ARB2A: variants seen among roughly 807,000 people sequenced by gnomAD.
ARB2A encodes the protein ARB2 cotranscriptional regulator A, also known as cotranscriptional regulator ARB2A.
chr5:94,050,416 A>T, the ARB2A span, among the ~76,000 whole-genome samples: 1 of 151,810 alleles, frequency 6.6e-6, no homozygotes, highest in South Asian at 2.1e-4. Flanking sequence ...AACCACACCC[A>T]GCTACTTTTT....
chr5:93,988,504 GC>G, the ARB2A span, among the ~76,000 whole-genome samples: 3 of 151,984 alleles, frequency 2.0e-5, no homozygotes, highest in Admixed American at 6.6e-5. Context: ...CATCTCCCTT[GC>G]CTGGCCCCCA....
the ARB2A span, among the ~76,000 whole-genome samples, chr5:93,769,210 T>A: frequency 6.6e-6 from 1 of 152,162 alleles, no homozygotes; most frequent in South Asian, 2.1e-4. Flanking sequence ...ACTGTGAAAC[T>A]TTTAGTCAAA....
chr5:93,692,710 T>G, the ARB2A span, among the ~76,000 whole-genome samples: 8 of 152,172 alleles, frequency 5.3e-5, no homozygotes, highest in Admixed American at 5.2e-4. Context: ...AATAGACATC[T>G]ACAGAAAGAA....
the ARB2A span, among the ~76,000 whole-genome samples, chr5:93,938,289 C>A: frequency 2.6e-5 from 4 of 151,934 alleles, no homozygotes; most frequent in East Asian, 7.7e-4. Context: ...GAACTAATTC[C>A]TTTAATTTAA....
the ARB2A span, among the ~76,000 whole-genome samples, chr5:93,920,564 A>G: frequency 6.6e-6 from 1 of 152,200 alleles, no homozygotes; most frequent in Non-Finnish European, 1.5e-5. Context: ...TAGGCATGTC[A>G]TGAATGCATA....
At chr5:93,821,415 C>T in the ARB2A span, among the ~76,000 whole-genome samples, 1 of 151,980 alleles carries the variant, frequency 6.6e-6, no homozygotes, top group Non-Finnish European at 1.5e-5. Flanking sequence ...ATGTGTAATG[C>T]ACTACTGGGA....
At chr5:93,960,058 G>C in the ARB2A span, among the ~76,000 whole-genome samples, 2 of 139,694 alleles carry the variant, frequency 1.4e-5, no homozygotes, top group Non-Finnish European at 3.0e-5. Context: ...TATCAAAATA[G>C]GAAGTATACA....
At chr5:93,879,319 T>G in the ARB2A span, among the ~76,000 whole-genome samples, 1 of 152,054 alleles carries the variant, frequency 6.6e-6, no homozygotes, top group East Asian at 1.9e-4. Context: ...TTCCAGAAGA[T>G]TTTAAGAGAA....
chr5:93,658,655 T>C, the ARB2A span, among the ~76,000 whole-genome samples: 28 of 152,140 alleles, frequency 1.8e-4, no homozygotes, highest in African/African-American at 6.5e-4. Context: ...TGATGACTTC[T>C]TTGGCATTTA....
At chr5:93,791,428 A>C in the ARB2A span, among the ~76,000 whole-genome samples, 2 of 152,168 alleles carry the variant, frequency 1.3e-5, no homozygotes, top group African/African-American at 4.8e-5. Flanking sequence ...ATATACCCCA[A>C]ACGTATAAAC....
At chr5:94,025,224 A>T in the ARB2A span, among the ~76,000 whole-genome samples, 2 of 152,146 alleles carry the variant, frequency 1.3e-5, no homozygotes, top group African/African-American at 4.8e-5. Context: ...TAAATAACAG[A>T]CATTTATTTC....
the ARB2A span, among the ~76,000 whole-genome samples, chr5:93,760,893 T>G: frequency 6.6e-6 from 1 of 152,188 alleles, no homozygotes; most frequent in Non-Finnish European, 1.5e-5. Context: ...AAAACAAAGA[T>G]AGATACTGGG....
At chr5:93,842,368 C>T in the ARB2A span, among the ~76,000 whole-genome samples, 1 of 152,142 alleles carries the variant, frequency 6.6e-6, no homozygotes, top group East Asian at 1.9e-4. Flanking sequence ...GTCAGTCTGG[C>T]CTACCAGTCT....
chr5:93,721,695 T>G, the ARB2A span, among the ~76,000 whole-genome samples: 1 of 152,082 alleles, frequency 6.6e-6, no homozygotes, highest in South Asian at 2.1e-4. Flanking sequence ...AAGTTAAAAA[T>G]TCACAGGAAG....
chr5:94,009,919 C>CT, the ARB2A span, among the ~76,000 whole-genome samples: 322 of 136,490 alleles, frequency 2.4e-3, 1 homozygote, highest in African/African-American at 5.3e-3. Flanking sequence ...CATCTTTGGT[C>CT]TTTTTTTTTT....
At chr5:93,811,416 A>G in the ARB2A span, among the ~76,000 whole-genome samples, 3 of 152,168 alleles carry the variant, frequency 2.0e-5, no homozygotes, top group East Asian at 5.8e-4. Flanking sequence ...ATTAAAATTG[A>G]AAGCCTTAGT....
the ARB2A span, among the ~76,000 whole-genome samples, chr5:93,918,433 T>C: frequency 7.0e-6 from 1 of 142,828 alleles, no homozygotes; most frequent in South Asian, 2.3e-4. Context: ...CAAATTTCTT[T>C]TTTTTTTTTT....
At chr5:93,972,553 T>A in the ARB2A span, among the ~76,000 whole-genome samples, 1 of 151,260 alleles carries the variant, frequency 6.6e-6, no homozygotes, top group Non-Finnish European at 1.5e-5. Flanking sequence ...AAAGCCAGAG[T>A]GTTTCATCAT....
At chr5:93,656,730 C>T in the ARB2A span, among the ~76,000 whole-genome samples, 1 of 152,286 alleles carries the variant, frequency 6.6e-6, no homozygotes, top group South Asian at 2.1e-4. Context: ...GACAGACCAA[C>T]ACTACCCACA....
Sources: gnomAD v4.1 joint callset for allele counts (sites outside exome capture counted in the v4.1 genomes callset) on GRCh38, gnomAD v4.1.1 for gene constraint, MANE v1.5 for transcripts, NCBI Gene and HGNC (gene_info 2026-07-23, HGNC 2026-07-21) for gene names.